The following ACMSD variants were observed in gnomAD, a reference collection of about 807,000 sequenced individuals.
ACMSD encodes 2-amino-3-carboxymuconate-6-semialdehyde decarboxylase.
ACMSD carries 37 observed loss-of-function variants against 45.9 expected under a neutral mutation model. The observed-to-expected ratio is 0.81, with a 90% confidence interval of 0.62 to 1.06. ACMSD has a LOEUF of 1.06. ACMSD is among the 50% of genes least tolerant of loss of function. The pLI is 0.00. For synonymous variants in ACMSD, 138 were observed against 148.8 expected (o/e 0.93, Z 0.53); for missense variants, 434 against 420.9 (o/e 1.03, Z -0.27).
At chr2:134,883,446 AT>A (rs1430820905) in intron 8 of ACMSD, among the ~76,000 whole-genome samples, 1 of 152,238 alleles carries the variant, frequency 6.6e-6, no homozygotes, top group East Asian at 1.9e-4. Context: ...CATGTAATTC[AT>A]TTAAAACATA....
intron 8 of ACMSD, among the ~76,000 whole-genome samples, chr2:134,877,133 A>T (rs927616709): frequency 6.6e-6 from 1 of 152,222 alleles, no homozygotes; most frequent in African/African-American, 2.4e-5. Context: ...CAGCATCACC[A>T]CAAACACTTG....
chr2:134,867,522 G>A (rs1032398179), intron 5 of ACMSD, 57 bp from the exon 6 acceptor site: 1 of 1,362,040 alleles, frequency 7.3e-7, no homozygotes. Context: ...AACAGTACCT[G>A]GTATCTGCTC....
At chr2:134,887,139 G>A (rs939211031) in intron 8 of ACMSD, among the ~76,000 whole-genome samples, 2 of 152,122 alleles carry the variant, frequency 1.3e-5, no homozygotes, top group Admixed American at 1.3e-4. Context: ...AGAACTCTAC[G>A]ATGTTAAGAT....
At chr2:134,888,782 G>C (rs940950731) in intron 8 of ACMSD, among the ~76,000 whole-genome samples, 1 of 152,108 alleles carries the variant, frequency 6.6e-6, no homozygotes, top group Non-Finnish European at 1.5e-5. Context: ...TGAAGTTCTT[G>C]AAGAGGCAAA....
At chr2:134,888,840 G>C (rs1689612029) in intron 8 of ACMSD, among the ~76,000 whole-genome samples, 1 of 152,126 alleles carries the variant, frequency 6.6e-6, no homozygotes, top group Non-Finnish European at 1.5e-5. Context: ...TTTAGTGGGA[G>C]AACTGAGAGG....
At chr2:134,882,215 T>A (rs1689075022) in intron 8 of ACMSD, among the ~76,000 whole-genome samples, 2 of 152,234 alleles carry the variant, frequency 1.3e-5, no homozygotes, top group Non-Finnish European at 2.9e-5. Context: ...AGTATTTTGG[T>A]TACAAGATAT....
intron 2 of ACMSD, among the ~76,000 whole-genome samples, chr2:134,845,514 T>TCTCTCTCG: frequency 1.0e-5 from 1 of 96,808 alleles, no homozygotes; most frequent in Non-Finnish European, 2.0e-5. Flanking sequence ...AAAAGGTCTC[T>TCTCTCTCG]CTCTCTCTCT....
At chr2:134,874,141 G>A (rs1264228324) in intron 8 of ACMSD, among the ~76,000 whole-genome samples, 2 of 152,194 alleles carry the variant, frequency 1.3e-5, no homozygotes, top group Non-Finnish European at 2.9e-5. Context: ...AATGCTTCAT[G>A]TTAACCAGTG....
intron 8 of ACMSD, among the ~76,000 whole-genome samples, chr2:134,886,358 C>T (rs1689461362): frequency 6.6e-6 from 1 of 150,488 alleles, no homozygotes; most frequent in African/African-American, 2.5e-5. Context: ...ACGCCATTCT[C>T]CTGCCTCAGC....
intron 5 of ACMSD, 38 bp downstream of exon 5, chr2:134,863,669 A>T (rs781217670): frequency 6.2e-7 from 1 of 1,606,472 alleles, no homozygotes; most frequent in East Asian, 2.2e-5. Flanking sequence ...CCAGCCGCCC[A>T]GTGCCTGGGC....
At chr2:134,856,028 A>G (rs570176539) in intron 2 of ACMSD, among the ~76,000 whole-genome samples, 57 of 152,302 alleles carry the variant, frequency 3.7e-4, no homozygotes, top group African/African-American at 1.4e-3. Context: ...TGTGCCCTCA[A>G]AGCAGAGGAA....
At chr2:134,887,138 C>T (rs928710415) in intron 8 of ACMSD, among the ~76,000 whole-genome samples, 2 of 152,100 alleles carry the variant, frequency 1.3e-5, no homozygotes, top group Admixed American at 6.6e-5. Flanking sequence ...GAGAACTCTA[C>T]GATGTTAAGA....
intron 8 of ACMSD, among the ~76,000 whole-genome samples, chr2:134,885,391 T>C (rs1237036214): frequency 9.8e-6 from 1 of 102,058 alleles, no homozygotes; most frequent in Non-Finnish European, 1.8e-5. Context: ...TATATGTAAA[T>C]ATATATATTT....
intron 8 of ACMSD, among the ~76,000 whole-genome samples, chr2:134,894,432 G>T (rs1196561804): frequency 1.3e-5 from 2 of 151,996 alleles, no homozygotes; most frequent in East Asian, 3.8e-4. Flanking sequence ...GAAATAGAAA[G>T]TTCAAACAGG....
chr2:134,867,548 CCT>C (rs138317668), intron 5 of ACMSD, 29 bp from the exon 6 acceptor site: 6,897 of 1,379,744 alleles, frequency 5.0e-3, no homozygotes, highest in Non-Finnish European at 5.5e-3. Context: ...TCAAAGTAAC[CCT>C]CTCTCTCTCT....
intron 7 of ACMSD, among the ~76,000 whole-genome samples, chr2:134,871,687 A>C (rs1688450708): frequency 6.7e-6 from 1 of 149,736 alleles, no homozygotes. Flanking sequence ...AGACAGACAC[A>C]CACACACACA....
intron 8 of ACMSD, among the ~76,000 whole-genome samples, chr2:134,884,826 C>T (rs1689230654): frequency 6.6e-6 from 1 of 151,996 alleles, no homozygotes; most frequent in Non-Finnish European, 1.5e-5. Flanking sequence ...CTAGGAAAAT[C>T]TTTTTTGGGG....
chr2:134,872,178 C>T (rs1304239506), intron 7 of ACMSD, among the ~76,000 whole-genome samples: 1 of 152,048 alleles, frequency 6.6e-6, no homozygotes, highest in Non-Finnish European at 1.5e-5. Flanking sequence ...AGGATGGTCT[C>T]GATCTCCAGA....
chr2:134,894,117 T>C (rs1689954977), intron 8 of ACMSD, among the ~76,000 whole-genome samples: 2 of 152,034 alleles, frequency 1.3e-5, no homozygotes, highest in South Asian at 2.1e-4. Flanking sequence ...ATATAAATAT[T>C]AGAGCAGATA....
Sources: gnomAD v4.1 joint callset for allele counts (sites outside exome capture counted in the v4.1 genomes callset) on GRCh38, gnomAD v4.1.1 for gene constraint, MANE v1.5 for transcripts, NCBI Gene and HGNC (gene_info 2026-07-23, HGNC 2026-07-21) for gene names.